HYDIN: variants seen among roughly 807,000 people sequenced by gnomAD.
HYDIN encodes the protein axonemal central pair apparatus protein HYDIN.
In HYDIN, 132 loss-of-function variants were observed where a neutral mutation model predicts 403.9. The ratio of observed to expected loss-of-function variants is 0.33; its 90% CI spans 0.28 to 0.38. HYDIN has a LOEUF of 0.38. Ranked by LOEUF, HYDIN falls within the 10% of genes least tolerant of loss-of-function variation. The pLI is 1.00. For synonymous variants in HYDIN, 1,202 were observed against 1,891.7 expected (o/e 0.64, Z 9.46); for missense variants, 2,827 against 5,009.5 (o/e 0.56, Z 13.15).
intron 12 of HYDIN, among the ~76,000 whole-genome samples, chr16:71,086,004 A>C (rs1478909665): frequency 6.6e-6 from 1 of 152,126 alleles, no homozygotes; most frequent in Non-Finnish European, 1.5e-5. Flanking sequence ...ATTGACATTT[A>C]ATGTAATTGT....
intron 65 of HYDIN, among the ~76,000 whole-genome samples, chr16:70,871,497 C>CA (rs11286096): frequency 0.041 from 6,112 of 148,264 alleles, 420 homozygotes; most frequent in African/African-American, 0.14. Context: ...GTCAGCAATT[C>CA]AAAAAAAAAA....
chr16:71,186,615 A>T, intron 2 of HYDIN, 146 bp downstream of exon 2: 1 of 656,886 alleles, frequency 1.5e-6, no homozygotes, highest in Admixed American at 3.1e-5. Context: ...AGGTATCTAC[A>T]CTCTGCAGAA....
chr16:71,210,258 T>G (rs771199086), intron 1 of HYDIN, among the ~76,000 whole-genome samples: 3 of 152,166 alleles, frequency 2.0e-5, no homozygotes, highest in Non-Finnish European at 4.4e-5. Context: ...TGGATCAACC[T>G]AAATGCTCAT....
intron 9 of HYDIN, among the ~76,000 whole-genome samples, chr16:71,128,589 GTTTGTTT>G (rs918925061): frequency 5.6e-4 from 85 of 151,738 alleles, no homozygotes; most frequent in South Asian, 2.9e-3. Flanking sequence ...TGTTTTTTTT[GTTTGTTT>G]TTTGTTTTTT....
chr16:71,097,950 G>T (rs974793559), intron 10 of HYDIN, among the ~76,000 whole-genome samples: 1 of 152,206 alleles, frequency 6.6e-6, no homozygotes, highest in African/African-American at 2.4e-5. Flanking sequence ...TTTAGCTTTT[G>T]TATCTTTAAT....
intron 84 of HYDIN, among the ~76,000 whole-genome samples, chr16:70,813,944 T>G (rs933562604): frequency 6.6e-6 from 1 of 152,162 alleles, no homozygotes; most frequent in African/African-American, 2.4e-5. Flanking sequence ...TATGATATCA[T>G]AGAAAAGCTA....
chr16:71,170,237 T>C (rs533694526), intron 5 of HYDIN, among the ~76,000 whole-genome samples: 2 of 152,358 alleles, frequency 1.3e-5, no homozygotes, highest in East Asian at 1.9e-4. Context: ...GTTTTGGTTT[T>C]GTTGTTGTTA....
intron 28 of HYDIN, among the ~76,000 whole-genome samples, chr16:70,982,364 T>C (rs1397093419): frequency 6.6e-6 from 1 of 151,490 alleles, no homozygotes; most frequent in Non-Finnish European, 1.5e-5. Flanking sequence ...TATATGGCAT[T>C]GGAAGCAAGT....
chr16:71,200,638 C>G (rs1459608586), intron 1 of HYDIN, among the ~76,000 whole-genome samples: 2 of 152,152 alleles, frequency 1.3e-5, no homozygotes, highest in Admixed American at 1.3e-4. Context: ...ATTTATCTAC[C>G]AAGCAAGAAA....
chr16:71,176,844 C>T (rs910599321), intron 4 of HYDIN, among the ~76,000 whole-genome samples: 11 of 152,174 alleles, frequency 7.2e-5, no homozygotes, highest in Non-Finnish European at 1.2e-4. Context: ...GACGGAGACA[C>T]AAAAGTAATA....
intron 13 of HYDIN, 45 bp from the exon 14 acceptor site, chr16:71,069,547 C>T (rs1465728672): frequency 2.1e-6 from 3 of 1,432,162 alleles, no homozygotes; most frequent in Non-Finnish European, 2.9e-6. Context: ...CCCCCCAACA[C>T]CTCCCTTGAC....
intron 23 of HYDIN, among the ~76,000 whole-genome samples, chr16:71,003,975 C>G (rs1041793322): frequency 2.0e-5 from 3 of 150,946 alleles, no homozygotes; most frequent in Admixed American, 6.6e-5. Flanking sequence ...ATTTACTTTC[C>G]TATCTTCCTA....
chr16:70,919,276 CA>C (rs1173820183), intron 46 of HYDIN, among the ~76,000 whole-genome samples: 1 of 152,006 alleles, frequency 6.6e-6, no homozygotes, highest in Admixed American at 6.5e-5. Context: ...GTGGAGAGTA[CA>C]AAACAAGGCA....
intron 39 of HYDIN, among the ~76,000 whole-genome samples, chr16:70,957,336 T>TC (rs2078275103): frequency 6.6e-6 from 1 of 151,472 alleles, no homozygotes; most frequent in South Asian, 2.1e-4. Context: ...CTATTTTTTT[T>TC]TTTTTTTTGA....
At position 71,221,997 on chromosome 16, in the gene HYDIN, TG is replaced by T. The variant is rs908317428; in HGVS notation, c.-24+8564del. ...GAGCTGTAACTAATCTGGCTATTTT[TG>T]TACCTCATTTCTATTTTCTGTACAT... On this transcript the variant is annotated intron_variant, in intron 1 of 85. Transcript: ENST00000393567. 2.9e-4 allele frequency among the ~76,000 whole-genome samples: 44 copies of T among 152,256 alleles called. 2 individuals are homozygous for T. Among genetic ancestry groups the T allele is most frequent in the Non-Finnish European group, 5.9e-5 (4 of 68,048 alleles).
chr16:71,037,953 C>A (rs574733651), intron 18 of HYDIN, among the ~76,000 whole-genome samples: 1 of 152,162 alleles, frequency 6.6e-6, no homozygotes, highest in African/African-American at 2.4e-5. Flanking sequence ...TGTTACCCAG[C>A]AAGAGAAACC....
chr16:70,909,898 T>C (rs1009574838), intron 47 of HYDIN, among the ~76,000 whole-genome samples: 14 of 150,310 alleles, frequency 9.3e-5, no homozygotes, highest in Non-Finnish European at 1.8e-4. Context: ...GGTTTCACCA[T>C]GTTAGCCAGG....
intron 3 of HYDIN, among the ~76,000 whole-genome samples, chr16:71,180,796 C>T (rs755421848): frequency 9.2e-5 from 14 of 152,012 alleles, no homozygotes; most frequent in Admixed American, 7.9e-4. Flanking sequence ...TTGCTTATTT[C>T]AAAAATTCAA....
At chr16:71,172,512 CA>C (rs1165769115) in intron 5 of HYDIN, among the ~76,000 whole-genome samples, 2 of 150,246 alleles carry the variant, frequency 1.3e-5, no homozygotes, top group Non-Finnish European at 3.0e-5. Flanking sequence ...ATAACATATC[CA>C]ATCATTTTTT....
Sources: gnomAD v4.1 joint callset for allele counts (sites outside exome capture counted in the v4.1 genomes callset) on GRCh38, gnomAD v4.1.1 for gene constraint, MANE v1.5 for transcripts, NCBI Gene and HGNC (gene_info 2026-07-23, HGNC 2026-07-21) for gene names.